The following ALK variants were observed in gnomAD, a reference collection of about 807,000 sequenced individuals.
ALK encodes the protein ALK tyrosine kinase receptor.
ALK carries 74 observed loss-of-function variants against 163.1 expected under a neutral mutation model. That is an observed-to-expected ratio of 0.45 (90% CI 0.38 to 0.55). The LOEUF is 0.55. Among genes scored for constraint, ALK ranks in the 20% least tolerant of loss-of-function variants. The probability of loss-of-function intolerance (pLI) is 0.00; values close to 1 mark genes in which losing one functional copy is unlikely to be tolerated. For synonymous variants in ALK, 960 were observed against 843.2 expected, an observed-to-expected ratio of 1.14 and a Z score of -2.40; for missense variants, 2,063 against 2,105.3, an observed-to-expected ratio of 0.98 and a Z score of 0.39.
chr2:29,247,794 C>T (rs1451704136), intron 12 of ALK, among the ~76,000 whole-genome samples: 1 of 152,158 alleles, frequency 6.6e-6, no homozygotes, highest in Non-Finnish European at 1.5e-5. Context: ...CAGTGCCAGG[C>T]CTCGGTGGCA....
chr2:29,393,436 A>C (rs1558305103), intron 4 of ALK, among the ~76,000 whole-genome samples: 2 of 152,194 alleles, frequency 1.3e-5, no homozygotes, highest in Non-Finnish European at 2.9e-5. Context: ...GAAGACCTTC[A>C]TTCCATAGGG....
chr2:29,530,990 G>A (rs143799006), intron 4 of ALK, among the ~76,000 whole-genome samples: 2 of 152,288 alleles, frequency 1.3e-5, no homozygotes, highest in African/African-American at 4.8e-5. Context: ...AAGAAATTAC[G>A]AAGGAGGCCA....
At chr2:29,584,808 A>G (rs1260810292) in intron 3 of ALK, among the ~76,000 whole-genome samples, 2 of 152,222 alleles carry the variant, frequency 1.3e-5, no homozygotes, top group Non-Finnish European at 2.9e-5. Flanking sequence ...GCATTGTTAC[A>G]ATGATTGTTC....
chr2:29,323,012 G>A (rs554689076), intron 6 of ALK, among the ~76,000 whole-genome samples: 1 of 152,250 alleles, frequency 6.6e-6, no homozygotes, highest in South Asian at 2.1e-4. Flanking sequence ...TGGATCATGG[G>A]TATTGTTAGC....
At chr2:29,537,689 T>C (rs1034673554) in intron 3 of ALK, among the ~76,000 whole-genome samples, 1 of 152,176 alleles carries the variant, frequency 6.6e-6, no homozygotes, top group Non-Finnish European at 1.5e-5. Context: ...TATCCAAGAA[T>C]GGTAGAGACA....
intron 3 of ALK, among the ~76,000 whole-genome samples, chr2:29,602,960 G>A (rs978780566): frequency 3.9e-5 from 6 of 152,186 alleles, no homozygotes; most frequent in Admixed American, 6.5e-5. Context: ...ATCAATACAC[G>A]TAAGATATAC....
chr2:29,295,240 G>A (rs1213005993), intron 9 of ALK, among the ~76,000 whole-genome samples: 1 of 152,166 alleles, frequency 6.6e-6, no homozygotes, highest in Non-Finnish European at 1.5e-5. Flanking sequence ...TCCTTCAAAT[G>A]AAACTCTAGA....
chr2:29,300,059 C>T (rs916852154), intron 8 of ALK, among the ~76,000 whole-genome samples: 1 of 152,194 alleles, frequency 6.6e-6, no homozygotes, highest in Admixed American at 6.5e-5. Flanking sequence ...GTGGCCTACA[C>T]TCCCAGAGTT....
Position 29,311,587 on chromosome 2 carries a change from C to T in ALK, c.1647+6717G>A, listed in dbSNP as rs112687149. Among the ~76,000 whole-genome samples the T allele has an allele frequency of 2.9e-3, 445 of 152,322 alleles. 3 individuals are homozygous for T. Among genetic ancestry groups the T allele is most frequent in the African/African-American group, 9.9e-3 (411 of 41,568 alleles). ...GAAAAGTCAGGCTTATGACGTTCTG[C>T]TCTGGGCCGTGTCACCAGACTTCCT... is the stretch of plus-strand genomic sequence containing the variant. On this transcript the variant is annotated intron_variant, in intron 8 of 28. Coordinates refer to ENST00000389048, the MANE Select transcript of ALK (RefSeq NM_004304.5).
rs111425772 is a variant in ALK at position 29,250,015 on chromosome 2, A to G, written c.2204+1090T>C. On this transcript the variant is annotated intron_variant, in intron 12 of 28. Transcript: ENST00000389048. ...TGCCACAAGAAATGTTAACCTGGAG[A>G]GAGAAAACAGGGCAACTTGAGAAGT... Among the ~76,000 whole-genome samples, 25 of 152,312 alleles carry G rather than the reference A, an allele frequency of 1.6e-4. 1 individual carries two copies. The highest frequency in any genetic ancestry group is 5.8e-4 in the African/African-American group (24 of 41,580).
At chr2:29,249,923 G>C (rs568704385) in intron 12 of ALK, among the ~76,000 whole-genome samples, 4 of 152,174 alleles carry the variant, frequency 2.6e-5, no homozygotes, top group Non-Finnish European at 5.9e-5. Context: ...TCTGCCCGGA[G>C]TGCCATTTAA....
chr2:29,361,485 G>C (rs1174767623), intron 5 of ALK, among the ~76,000 whole-genome samples: 1 of 152,302 alleles, frequency 6.6e-6, no homozygotes, highest in East Asian at 1.9e-4. Flanking sequence ...CGTAGGAAAT[G>C]CATTTGCTGG....
At chr2:29,335,011 G>A (rs1667566692) in intron 5 of ALK, among the ~76,000 whole-genome samples, 1 of 152,178 alleles carries the variant, frequency 6.6e-6, no homozygotes, top group Non-Finnish European at 1.5e-5. Context: ...GATTGTTCTG[G>A]CCTGCGGTGT....
intron 4 of ALK, among the ~76,000 whole-genome samples, chr2:29,452,332 G>GTTTTTTTTT (rs66533654): frequency 8.2e-5 from 12 of 146,082 alleles, no homozygotes; most frequent in African/African-American, 2.0e-4. Context: ...AGTTTTTTTT[G>GTTTTTTTTT]TTTTTTTTTT....
chr2:29,323,818 T>C (rs911626011), intron 6 of ALK, among the ~76,000 whole-genome samples: 2 of 152,198 alleles, frequency 1.3e-5, no homozygotes, highest in Non-Finnish European at 2.9e-5. Flanking sequence ...ATCATCCTTT[T>C]CTCTTCTCAT....
chr2:29,725,447 C>T (rs1420604662), intron 1 of ALK, among the ~76,000 whole-genome samples: 1 of 152,294 alleles, frequency 6.6e-6, no homozygotes, highest in Non-Finnish European at 1.5e-5. Context: ...GAGCTGGACA[C>T]CAAAGCAGTT....
chr2:29,443,170 T>A (rs1020804299), intron 4 of ALK, among the ~76,000 whole-genome samples: 1 of 152,256 alleles, frequency 6.6e-6, no homozygotes, highest in African/African-American at 2.4e-5. Flanking sequence ...GCCTCTGTAG[T>A]GTCACAGGTT....
chr2:29,261,388 T>TA (rs371606898), intron 11 of ALK, among the ~76,000 whole-genome samples: 7,666 of 145,970 alleles, frequency 0.053, 222 homozygotes, highest in Non-Finnish European at 0.077. Flanking sequence ...TTGGAAAGAT[T>TA]AAAAAAAAAA....
At chr2:29,401,248 A>C (rs977236060) in intron 4 of ALK, among the ~76,000 whole-genome samples, 20 of 152,038 alleles carry the variant, frequency 1.3e-4, no homozygotes, top group Non-Finnish European at 2.2e-4. Context: ...GCTGTGGCTG[A>C]TCCTGTGTCC....
Sources: gnomAD v4.1 joint callset for allele counts (sites outside exome capture counted in the v4.1 genomes callset) on GRCh38, gnomAD v4.1.1 for gene constraint, MANE v1.5 for transcripts, NCBI Gene and HGNC (gene_info 2026-07-23, HGNC 2026-07-21) for gene names.